Variants in USP32 observed in about 807,000 individuals in gnomAD.
USP32 encodes the protein ubiquitin carboxyl-terminal hydrolase 32.
A neutral mutation model predicts 204.8 loss-of-function variants in USP32; 59 were observed. The observed-to-expected ratio is 0.29, with a 90% CI of 0.23 to 0.36. The LOEUF (loss-of-function observed/expected upper bound fraction) is 0.36. Among genes scored for constraint, USP32 ranks in the 10% least tolerant of loss-of-function variants. USP32 has a pLI of 1.00. For synonymous variants in USP32, 517 were observed against 678.4 expected (o/e 0.76, Z 3.70); for missense variants, 1,160 against 1,946.4 (o/e 0.60, Z 7.60).
chr17:60,204,972 T>A (rs62928060), intron 26 of USP32, among the ~76,000 whole-genome samples: 1 of 149,688 alleles, frequency 6.7e-6, no homozygotes, highest in Non-Finnish European at 1.5e-5. Context: ...TTTTTTTTTT[T>A]AGAAGAGACG....
At chr17:60,360,033 A>C (rs577919278) in intron 1 of USP32, among the ~76,000 whole-genome samples, 1 of 152,006 alleles carries the variant, frequency 6.6e-6, no homozygotes, top group East Asian at 2.0e-4. Flanking sequence ...ACACCTGGCT[A>C]ATTTTTTTGT....
intron 7 of USP32, among the ~76,000 whole-genome samples, chr17:60,269,015 T>C (rs2086666187): frequency 6.6e-6 from 1 of 152,234 alleles, no homozygotes; most frequent in Non-Finnish European, 1.5e-5. Context: ...AAGATCATTT[T>C]AGTATTTGAC....
chr17:60,284,973 G>T (rs150233863), intron 5 of USP32, among the ~76,000 whole-genome samples: 1 of 152,078 alleles, frequency 6.6e-6, no homozygotes, highest in African/African-American at 2.4e-5. Context: ...CCCACTTGTC[G>T]TTGTTATATT....
intron 1 of USP32, among the ~76,000 whole-genome samples, chr17:60,364,274 C>T (rs1404480630): frequency 3.9e-5 from 6 of 152,170 alleles, no homozygotes; most frequent in Admixed American, 3.3e-4. Flanking sequence ...CTTCTTCATA[C>T]AATCACATTG....
At chr17:60,283,231 A>G (rs866797742) in intron 5 of USP32, among the ~76,000 whole-genome samples, 1 of 152,120 alleles carries the variant, frequency 6.6e-6, no homozygotes, top group African/African-American at 2.4e-5. Flanking sequence ...ATAAAAGTTC[A>G]TGGTGTGGTC....
chr17:60,344,076 A>G (rs1288288917), intron 2 of USP32, among the ~76,000 whole-genome samples: 1 of 152,094 alleles, frequency 6.6e-6, no homozygotes, highest in Non-Finnish European at 1.5e-5. Context: ...ACTAGGGTTA[A>G]TTAAAAATGG....
chr17:60,210,992 A>G, intron 21 of USP32, 21 bp downstream of exon 21: 1 of 1,579,826 alleles, frequency 6.3e-7, no homozygotes, highest in Non-Finnish European at 8.6e-7. Context: ...AAATACTTTT[A>G]TATTATTTTA....
At chr17:60,240,462 A>T (rs2145656719) in intron 11 of USP32, among the ~76,000 whole-genome samples, 1 of 151,360 alleles carries the variant, frequency 6.6e-6, no homozygotes, top group East Asian at 1.9e-4. Flanking sequence ...AGAGAGAGGG[A>T]GGGAGAGAGA....
In USP32 at chr17:60,192,894, T is replaced by A. The variant is rs776328173; in HGVS notation, c.3471A>T (p.Leu1157=). 1 of 1,613,984 alleles carries A rather than the reference T, an allele frequency of 6.2e-7. No individual in the cohort carries two copies. The highest frequency in any genetic ancestry group is 1.1e-5 in the South Asian group (1 of 91,084). The part of the protein sequence containing the change: ...DSMGYQYPFT[L]RVVQKDGNSC... ...AGTTCCCATCTTTCTGCACAACTCG[T>A]AGAGTGAATGGATATTGATAGCCCA... The change falls in exon 28 of 34, where the codon CTA becomes CTT. Residue 1157 remains leucine (L), a synonymous_variant. Transcript: ENST00000300896.
At chr17:60,380,593 A>G (rs1017617166) in intron 1 of USP32, among the ~76,000 whole-genome samples, 1 of 152,228 alleles carries the variant, frequency 6.6e-6, no homozygotes. Context: ...GAAATATGAA[A>G]TAAGAAGAGC....
chr17:60,330,531 C>T (rs1487411994), intron 2 of USP32, among the ~76,000 whole-genome samples: 1 of 147,956 alleles, frequency 6.8e-6, no homozygotes, highest in African/African-American at 2.5e-5. Flanking sequence ...CCCCTCCCTC[C>T]TTTCTCTCTT....
chr17:60,366,973 G>A (rs2089328657), intron 1 of USP32, among the ~76,000 whole-genome samples: 1 of 151,966 alleles, frequency 6.6e-6, no homozygotes, highest in South Asian at 2.1e-4. Context: ...ACAGGAGCCC[G>A]CCACCACACC....
chr17:60,331,594 A>T (rs987290444), intron 2 of USP32, among the ~76,000 whole-genome samples: 4 of 144,000 alleles, frequency 2.8e-5, no homozygotes, highest in Admixed American at 7.0e-5. Flanking sequence ...CTTTAATATT[A>T]AAAAATCTGC....
At chr17:60,352,754 C>G (rs1478644154) in intron 1 of USP32, among the ~76,000 whole-genome samples, 1 of 152,122 alleles carries the variant, frequency 6.6e-6, no homozygotes, top group African/African-American at 2.4e-5. Context: ...CAAAAGAACT[C>G]GAAGGCACAG....
intron 1 of USP32, among the ~76,000 whole-genome samples, chr17:60,403,761 C>G (rs1012986043): frequency 2.0e-5 from 3 of 152,056 alleles, no homozygotes; most frequent in African/African-American, 7.2e-5. Flanking sequence ...AAACATGGGC[C>G]GGGAGCAATG....
chr17:60,194,556 A>G (rs573931842), intron 27 of USP32, among the ~76,000 whole-genome samples: 2 of 152,194 alleles, frequency 1.3e-5, no homozygotes, highest in African/African-American at 4.8e-5. Context: ...CACCCAGTTC[A>G]CTGTGTTTTT....
chr17:60,390,831 A>G (rs1480055827), intron 1 of USP32, among the ~76,000 whole-genome samples: 1 of 152,150 alleles, frequency 6.6e-6, no homozygotes, highest in African/African-American at 2.4e-5. Flanking sequence ...AATCTTCTTA[A>G]TGTTTTTTCA....
intron 11 of USP32, among the ~76,000 whole-genome samples, chr17:60,240,897 C>T (rs181311517): frequency 6.6e-6 from 1 of 152,204 alleles, no homozygotes; most frequent in Non-Finnish European, 1.5e-5. Flanking sequence ...AATAACCCTG[C>T]CTGCCTTTCC....
chr17:60,311,316 C>A (rs2087847777), intron 2 of USP32, among the ~76,000 whole-genome samples: 1 of 152,132 alleles, frequency 6.6e-6, no homozygotes, highest in South Asian at 2.1e-4. Context: ...GTAGCCATGA[C>A]TATCCAGTCA....
Sources: allele counts gnomAD v4.1 joint callset (sites outside exome capture counted in the v4.1 genomes callset), GRCh38; gene constraint gnomAD v4.1.1; transcripts MANE v1.5; gene names NCBI Gene and HGNC (gene_info 2026-07-23, HGNC 2026-07-21).